The following XRN2 variants were observed in gnomAD, a reference collection of about 807,000 sequenced individuals.
XRN2 encodes the protein 5'-3' exoribonuclease 2, also known as DHM1-like protein.
In XRN2, 44 loss-of-function variants were observed where a neutral mutation model predicts 138.5. The observed-to-expected ratio is 0.32, with a 90% confidence interval of 0.25 to 0.41. The LOEUF is 0.41. XRN2 is among the 10% of genes least tolerant of loss of function. The pLI is 1.00. For synonymous variants in XRN2, 354 were observed against 369.4 expected, an observed-to-expected ratio of 0.96 and a Z score of 0.48; for missense variants, 937 against 1,169.3, an observed-to-expected ratio of 0.80 and a Z score of 2.90.
chr20:21,349,585 A>G (rs946539099), intron 20 of XRN2, 124 bp downstream of exon 20: 2 of 850,472 alleles, frequency 2.4e-6, no homozygotes, highest in Non-Finnish European at 1.8e-6. Flanking sequence ...TCTACAAAAA[A>G]TACAAAAATT....
intron 28 of XRN2, among the ~76,000 whole-genome samples, chr20:21,385,740 TGTGAGAA>T (rs1600723637): frequency 6.6e-6 from 1 of 152,198 alleles, no homozygotes; most frequent in East Asian, 1.9e-4. Context: ...CTTGAATAGC[TGTGAGAA>T]GAATGCTTTA....
At position 21,330,245 on chromosome 20, in the gene XRN2, C is replaced by T. The variant is rs200505106; in HGVS notation, c.428-236C>T. ...GTTGCAGTGAGCCGAGATTGCACCA[C>T]TGCACTCCAGCCTGGGTGACAGAAT... On this transcript the variant is annotated intron_variant, in intron 4 of 29. Transcript: ENST00000377191. Among the ~76,000 whole-genome samples the T allele has an allele frequency of 6.6e-4, 100 of 152,272 alleles. 1 individual carries two copies. The East Asian group carries it at 9.1e-3, about 14-fold the overall frequency.
chr20:21,377,264 C>CTTTTTTTCTTTTT (rs2038833972), intron 27 of XRN2, among the ~76,000 whole-genome samples: 8 of 82,782 alleles, frequency 9.7e-5, no homozygotes, highest in Non-Finnish European at 1.5e-4. Context: ...TCGGTTTTTT[C>CTTTTTTTCTTTTT]TTTTTTTTTT....
Position 21,346,570 on chromosome 20 carries a change from C to T in XRN2, c.1665+20C>T, listed in dbSNP as rs1485640857. The T allele has an allele frequency of 6.2e-7, 1 of 1,604,340 alleles. No individual in the cohort carries two copies. The highest frequency in any genetic ancestry group is 8.5e-7 in the Non-Finnish European group (1 of 1,175,496). On this transcript the variant is annotated intron_variant, in intron 17 of 29. Transcript: ENST00000377191. ...TACCAGGTACAAAAAGAATATTTTC[C>T]TCTGAATTTGTAGTTAATCATTTAA...
chr20:21,368,472 G>A lies in XRN2; in HGVS notation c.2466G>A (p.Met822Ile). The A allele has an allele frequency of 6.2e-7, 1 of 1,613,696 alleles. No homozygotes were observed. The highest frequency in any genetic ancestry group is 1.1e-5 in the South Asian group (1 of 91,052). ...TTGGGTCCTTTTATAGCCATGTGAT[G>A]CCAAGAGGCTCAGGAACTGGCATTT... is the stretch of plus-strand genomic sequence containing the variant. ...QAAFRTLGHV[M>I]PRGSGTGIYS... Residue 822 changes from methionine (M) to isoleucine (I), a missense_variant, in exon 27 of 30, where the codon ATG becomes ATA. By Grantham distance (10) the Met-to-Ile change is conservative (BLOSUM62 1). Coordinates refer to ENST00000377191, the MANE Select transcript of XRN2 (RefSeq NM_012255.5).
rs1306845561 is a variant in XRN2 at position 21,372,945 on chromosome 20, C to G, written c.2584+4355C>G. Among the ~76,000 whole-genome samples the G allele has an allele frequency of 2.0e-5, 3 of 152,098 alleles. No individual in the cohort carries two copies. The East Asian group carries it at 5.8e-4, about 29-fold the overall frequency. Reference sequence around the variant, plus strand: ...ACATGACTACCCTTTTAAAAGCTTGCCTTTTTTTCAGTCTTTGTTTCTGAG... The same window carrying G: ...ACATGACTACCCTTTTAAAAGCTTGGCTTTTTTTCAGTCTTTGTTTCTGAG... On this transcript the variant is annotated intron_variant, in intron 27 of 29. Coordinates refer to ENST00000377191, the MANE Select transcript of XRN2 (RefSeq NM_012255.5).
At chr20:21,375,618 T>A (rs146372852) in intron 27 of XRN2, among the ~76,000 whole-genome samples, 2 of 151,726 alleles carry the variant, frequency 1.3e-5, no homozygotes, top group Non-Finnish European at 2.9e-5. Context: ...AATAATCTTT[T>A]AAAAATATAT....
intron 1 of XRN2, among the ~76,000 whole-genome samples, chr20:21,304,342 T>C (rs1326785794): frequency 1.3e-5 from 2 of 149,902 alleles, no homozygotes; most frequent in Admixed American, 6.6e-5. Flanking sequence ...TGTGAACTTA[T>C]TTCTGCTTTT....
chr20:21,383,321 G>C (rs143840516), intron 28 of XRN2, among the ~76,000 whole-genome samples: 1,535 of 152,208 alleles, frequency 0.01, 11 homozygotes, highest in Non-Finnish European at 0.014. Flanking sequence ...TTATATACTT[G>C]GTTTCTCTAT....
chr20:21,321,214 C>T (rs906362471), intron 1 of XRN2, among the ~76,000 whole-genome samples: 2 of 151,470 alleles, frequency 1.3e-5, no homozygotes, highest in African/African-American at 4.9e-5. Context: ...ACCATATTGC[C>T]TAGGCTGATC....
In XRN2 at chr20:21,331,596, A is replaced by G. The variant is rs2038210253; in HGVS notation, c.612A>G (p.Gly204=). The change falls in exon 7 of 30, where the codon GGA becomes GGG. Residue 204 remains glycine, a synonymous_variant. Coordinates refer to ENST00000377191, the MANE Select transcript of XRN2 (RefSeq NM_012255.5). ...CTGATGCTAGTGCTCCTGGTGAAGG[A>G]GAACATAAAATCATGGATTACATTA... ...ILSDASAPGE[G]EHKIMDYIRR... The G allele has an allele frequency of 6.2e-7, 1 of 1,612,836 alleles. No individual in the cohort carries two copies. The highest frequency in any genetic ancestry group is 8.5e-7 in the Non-Finnish European group (1 of 1,179,830).
intron 4 of XRN2, among the ~76,000 whole-genome samples, chr20:21,328,959 T>C (rs1409898026): frequency 1.3e-5 from 2 of 152,198 alleles, no homozygotes; most frequent in African/African-American, 4.8e-5. Flanking sequence ...TAACAAACTT[T>C]TATGTCTCTG....
In XRN2 at chr20:21,346,555, A is replaced by G; in HGVS notation, c.1665+5A>G. On this transcript the variant is annotated splice_donor_5th_base_variant and intron_variant, in intron 17 of 29. Transcript: ENST00000377191. ...GTTCTTAGATATTATTACCAGGTAC[A>G]AAAAGAATATTTTCCTCTGAATTTG... 1 of 1,610,914 alleles carries G rather than the reference A, an allele frequency of 6.2e-7. No homozygotes were observed. The highest frequency in any genetic ancestry group is 8.5e-7 in the Non-Finnish European group (1 of 1,178,710).
intron 13 of XRN2, among the ~76,000 whole-genome samples, chr20:21,338,016 A>C (rs558900409): frequency 5.1e-4 from 78 of 152,290 alleles, no homozygotes; most frequent in Non-Finnish European, 8.5e-4. Context: ...AGGAGGTTTT[A>C]GGGTAGTTGA....
At chr20:21,344,454 C>G (rs1320292013) in intron 16 of XRN2, among the ~76,000 whole-genome samples, 1 of 152,104 alleles carries the variant, frequency 6.6e-6, no homozygotes, top group Non-Finnish European at 1.5e-5. Flanking sequence ...CCACTTTTCC[C>G]TCTGAGACCA....
intron 1 of XRN2, among the ~76,000 whole-genome samples, chr20:21,309,717 T>A (rs1395568425): frequency 6.6e-6 from 1 of 152,180 alleles, no homozygotes; most frequent in South Asian, 2.1e-4. Flanking sequence ...TTTTTTGTTA[T>A]TAAAATGTTT....
intron 15 of XRN2, among the ~76,000 whole-genome samples, chr20:21,343,388 GA>G (rs1019145228): frequency 1.3e-5 from 2 of 151,950 alleles, no homozygotes; most frequent in African/African-American, 4.8e-5. Context: ...AATTTAAAGT[GA>G]CAGCTAAGTC....
At position 21,344,082 on chromosome 20, in the gene XRN2, G is replaced by T. The variant is rs200299840; in HGVS notation, c.1411-8G>T. The T allele has an allele frequency of 4.4e-6, 7 of 1,584,012 alleles. No individual in the cohort carries two copies. The African/African-American group carries it at 8.1e-5, about 18-fold the overall frequency. ...ATCCTTCTTCTGTAATGTCATCATT[G>T]TCTGCAGAGTCCTTCGATATCTCCT... On this transcript the variant is annotated splice_region_variant and splice_polypyrimidine_tract_variant and intron_variant, in intron 15 of 29. Transcript: ENST00000377191.
At chr20:21,338,920 T>A in intron 13 of XRN2, 124 bp from the exon 14 acceptor site, 1 of 825,884 alleles carries the variant, frequency 1.2e-6, no homozygotes, top group Non-Finnish European at 2.0e-6. Context: ...GGTTTAATCA[T>A]GTACCTAGAT....
Sources: gnomAD v4.1 joint callset for allele counts (sites outside exome capture counted in the v4.1 genomes callset) on GRCh38, gnomAD v4.1.1 for gene constraint, MANE v1.5 for transcripts, NCBI Gene and HGNC (gene_info 2026-07-23, HGNC 2026-07-21) for gene names.